The following RABGAP1L variants were observed in gnomAD, a reference collection of about 807,000 sequenced individuals.
The protein encoded by RABGAP1L is RAB GTPase activating protein 1 like.
Under a neutral mutation model 137.7 loss-of-function variants are expected in RABGAP1L, and 63 were observed. The observed-to-expected ratio is 0.46, with a 90% CI of 0.37 to 0.56. The LOEUF is 0.56. Among genes scored for constraint, RABGAP1L ranks in the 20% least tolerant of loss-of-function variants. RABGAP1L has a pLI of 0.00. For missense variants in RABGAP1L, 1,095 were observed against 1,244.0 expected, an observed-to-expected ratio of 0.88 and a Z score of 1.80; for synonymous variants, 431 against 433.7, an observed-to-expected ratio of 0.99 and a Z score of 0.08.
chr1:174,955,832 A>G (rs1668433815), intron 19 of RABGAP1L, among the ~76,000 whole-genome samples: 1 of 152,168 alleles, frequency 6.6e-6, no homozygotes, highest in Non-Finnish European at 1.5e-5. Context: ...CTGTAATCCC[A>G]ATGCTTTGGG....
At chr1:174,697,214 A>C (rs946555827) in intron 15 of RABGAP1L, among the ~76,000 whole-genome samples, 6 of 152,264 alleles carry the variant, frequency 3.9e-5, no homozygotes, top group Non-Finnish European at 7.3e-5. Flanking sequence ...ATTCAAAGAA[A>C]TAAAAACATA....
chr1:174,440,078 A>G (rs543080197), intron 13 of RABGAP1L, among the ~76,000 whole-genome samples: 1 of 152,346 alleles, frequency 6.6e-6, no homozygotes, highest in Non-Finnish European at 1.5e-5. Context: ...GCAGTTATAA[A>G]TATCCTGAGG....
chr1:174,692,809 A>G (rs1487451234), intron 15 of RABGAP1L, among the ~76,000 whole-genome samples: 1 of 152,114 alleles, frequency 6.6e-6, no homozygotes, highest in Non-Finnish European at 1.5e-5. Context: ...AACAATATGT[A>G]TATGTTGTCT....
intron 13 of RABGAP1L, among the ~76,000 whole-genome samples, chr1:174,547,276 G>C (rs1162716857): frequency 6.6e-6 from 1 of 152,044 alleles, no homozygotes; most frequent in African/African-American, 2.4e-5. Context: ...CCAGTTCTCA[G>C]TGAATGTGAG....
At position 174,297,706 on chromosome 1, in the gene RABGAP1L, G is replaced by A. The variant is rs148776788; in HGVS notation, c.1324-7280G>A. Among the ~76,000 whole-genome samples, 606 of 152,276 alleles carry A rather than the reference G, an allele frequency of 4.0e-3. 4 individuals are homozygous for A. The highest frequency in any genetic ancestry group is 0.012 in the African/African-American group (506 of 41,546). On this transcript the variant is annotated intron_variant, in intron 10 of 25. Transcript: ENST00000681986. Reference sequence around the variant, plus strand: ...AGGGTTTCCAGCAGAAGGGGCCATCGTCAGAGGCTCTGGTTGCATGATTGT... The same window carrying A: ...AGGGTTTCCAGCAGAAGGGGCCATCATCAGAGGCTCTGGTTGCATGATTGT...
At position 174,755,190 on chromosome 1, in the gene RABGAP1L, T is replaced by C. The variant is rs1167916279; in HGVS notation, c.2211+2836T>C. Among the ~76,000 whole-genome samples the C allele has an allele frequency of 5.3e-5, 8 of 152,336 alleles. No homozygotes were observed. The East Asian group carries it at 1.5e-3, about 29-fold the overall frequency. Reference sequence around the variant, plus strand: ...TTAGGTTTTAAAGACACCTACTTTCTGAACGGGACCAACTTCTTTTTGGTT... The same window carrying C: ...TTAGGTTTTAAAGACACCTACTTTCCGAACGGGACCAACTTCTTTTTGGTT... On this transcript the variant is annotated intron_variant, in intron 18 of 25. Coordinates refer to ENST00000681986, the MANE Select transcript of RABGAP1L (RefSeq NM_001366446.1).
intron 13 of RABGAP1L, among the ~76,000 whole-genome samples, chr1:174,606,180 T>A (rs981978757): frequency 2.6e-5 from 4 of 152,246 alleles, no homozygotes; most frequent in Non-Finnish European, 5.9e-5. Context: ...CCTCATATAG[T>A]ATCTACTAGT....
intron 13 of RABGAP1L, among the ~76,000 whole-genome samples, chr1:174,482,565 A>T (rs1308516671): frequency 5.9e-5 from 9 of 152,216 alleles, no homozygotes; most frequent in Admixed American, 2.0e-4. Context: ...ATCTGGGCTC[A>T]CTGCAGCCTC....
intron 11 of RABGAP1L, among the ~76,000 whole-genome samples, chr1:174,358,983 G>T (rs893278501): frequency 1.3e-5 from 2 of 152,124 alleles, no homozygotes; most frequent in Non-Finnish European, 2.9e-5. Flanking sequence ...GGGCCTAGGG[G>T]GGCAGTATTT....
intron 19 of RABGAP1L, among the ~76,000 whole-genome samples, chr1:174,931,998 T>G (rs1299309486): frequency 1.1e-4 from 15 of 142,212 alleles, no homozygotes; most frequent in Non-Finnish European, 2.0e-4. Flanking sequence ...TGGTTTTTTT[T>G]TTTTTTTTTT....
intron 9 of RABGAP1L, among the ~76,000 whole-genome samples, chr1:174,276,217 G>T (rs1352313330): frequency 6.6e-6 from 1 of 152,122 alleles, no homozygotes; most frequent in Non-Finnish European, 1.5e-5. Context: ...ATAGCTCACT[G>T]TAACCTCAAA....
At chr1:174,781,953 G>A (rs1687047022) in intron 18 of RABGAP1L, among the ~76,000 whole-genome samples, 1 of 152,208 alleles carries the variant, frequency 6.6e-6, no homozygotes, top group African/African-American at 2.4e-5. Flanking sequence ...GTACCATGCT[G>A]TTTTGGTTAC....
chr1:174,452,691 AGC>A (rs1490431401), intron 13 of RABGAP1L, among the ~76,000 whole-genome samples: 1 of 152,078 alleles, frequency 6.6e-6, no homozygotes, highest in Non-Finnish European at 1.5e-5. Context: ...CCTCCCAAGT[AGC>A]TGGGACTACA....
intron 4 of RABGAP1L, among the ~76,000 whole-genome samples, chr1:174,232,801 C>T (rs1488890865): frequency 6.6e-6 from 1 of 151,848 alleles, no homozygotes; most frequent in Non-Finnish European, 1.5e-5. Flanking sequence ...TATTCTCCTA[C>T]ATTCGGCCTT....
At chr1:174,568,471 A>G (rs1667731761) in intron 13 of RABGAP1L, among the ~76,000 whole-genome samples, 2 of 152,222 alleles carry the variant, frequency 1.3e-5, no homozygotes, top group African/African-American at 4.8e-5. Flanking sequence ...ACTTTCAAAC[A>G]GTGATAGCCT....
chr1:174,486,223 C>CTTTTTTTTTTTTTTTTTTTTTTTTTTTTT (rs201692363), intron 13 of RABGAP1L, among the ~76,000 whole-genome samples: 1 of 119,876 alleles, frequency 8.3e-6, no homozygotes, highest in African/African-American at 3.1e-5. Context: ...GTTCTTTTTT[C>CTTTTTTTTTTTTTTTTTTTTTTTTTTTTT]TTTTTTTTTT....
chr1:174,445,022 A>C (rs1301871245), intron 13 of RABGAP1L, among the ~76,000 whole-genome samples: 1 of 152,110 alleles, frequency 6.6e-6, no homozygotes, highest in Non-Finnish European at 1.5e-5. Flanking sequence ...TTCATTTGGA[A>C]AATGATAATG....
At chr1:174,732,405 T>G (rs1329999202) in intron 17 of RABGAP1L, among the ~76,000 whole-genome samples, 1 of 152,212 alleles carries the variant, frequency 6.6e-6, no homozygotes, top group African/African-American at 2.4e-5. Context: ...AGGTAATTCT[T>G]TAATAGTAGA....
intron 19 of RABGAP1L, among the ~76,000 whole-genome samples, chr1:174,896,508 G>A (rs192751316): frequency 2.6e-5 from 4 of 151,892 alleles, no homozygotes; most frequent in African/African-American, 9.7e-5. Context: ...ACATGAAGTC[G>A]TTGCCCATGC....
Sources: gnomAD v4.1 joint callset for allele counts (sites outside exome capture counted in the v4.1 genomes callset) on GRCh38, gnomAD v4.1.1 for gene constraint, MANE v1.5 for transcripts, NCBI Gene and HGNC (gene_info 2026-07-23, HGNC 2026-07-21) for gene names.